Variants in FMN1 observed in about 807,000 individuals in gnomAD.
FMN1 encodes formin-1.
A neutral mutation model predicts 132.4 loss-of-function variants in FMN1; 110 were observed. The observed-to-expected ratio is 0.83, with a 90% CI of 0.71 to 0.97. FMN1 has a LOEUF of 0.97. Ranked by LOEUF, FMN1 falls within the 50% of genes least tolerant of loss-of-function variation. FMN1 has a pLI of 0.00. For missense variants in FMN1, 1,792 were observed against 1,705.3 expected (o/e 1.05, Z -0.90); for synonymous variants, 722 against 651.7 (o/e 1.11, Z -1.64).
chr15:33,126,029 C>T (rs1482438545), intron 4 of FMN1, among the ~76,000 whole-genome samples: 3 of 152,026 alleles, frequency 2.0e-5, no homozygotes, highest in Non-Finnish European at 4.4e-5. Flanking sequence ...TAATACCAAA[C>T]TCACAGTGCA....
At chr15:32,950,034 CACATATATATATATATACACATATAT>C (rs2061608566) in intron 9 of FMN1, among the ~76,000 whole-genome samples, 1 of 4,540 alleles carries the variant, frequency 2.2e-4, no homozygotes, top group African/African-American at 5.8e-4. Context: ...TATATATATA[CACATATATATATATATACACATATAT>C]ATATATATAT....
intron 18 of FMN1, among the ~76,000 whole-genome samples, chr15:32,799,653 G>C (rs1244418560): frequency 3.9e-5 from 6 of 152,170 alleles, no homozygotes; most frequent in African/African-American, 1.2e-4. Flanking sequence ...TCTCCAGTCT[G>C]GTCAGTAAAG....
intron 18 of FMN1, among the ~76,000 whole-genome samples, chr15:32,802,214 CCT>C (rs2057504214): frequency 6.6e-6 from 1 of 152,226 alleles, no homozygotes; most frequent in Non-Finnish European, 1.5e-5. Context: ...GCTATAATTC[CCT>C]GTCTGATTTG....
At chr15:33,051,118 G>C (rs1199767086) in intron 6 of FMN1, among the ~76,000 whole-genome samples, 2 of 152,178 alleles carry the variant, frequency 1.3e-5, no homozygotes, top group South Asian at 2.1e-4. Flanking sequence ...GGGGGATATA[G>C]AGTGAAGGAT....
chr15:33,032,266 G>A (rs770569509), intron 6 of FMN1, among the ~76,000 whole-genome samples: 23 of 152,158 alleles, frequency 1.5e-4, no homozygotes, highest in Non-Finnish European at 2.9e-4. Flanking sequence ...TGGTTTTAAT[G>A]ACTCATTCGT....
intron 7 of FMN1, among the ~76,000 whole-genome samples, chr15:32,997,975 C>G (rs983867307): frequency 1.3e-5 from 2 of 152,194 alleles, no homozygotes; most frequent in Non-Finnish European, 1.5e-5. Flanking sequence ...AAATGTTACT[C>G]AGCCTCTTTA....
At chr15:33,018,758 T>C (rs186323663) in intron 6 of FMN1, among the ~76,000 whole-genome samples, 108 of 152,256 alleles carry the variant, frequency 7.1e-4, no homozygotes, top group Admixed American at 2.1e-3. Context: ...CCTCTGATGT[T>C]CGGATGTGTT....
At position 33,154,115 on chromosome 15, in the gene FMN1, A is replaced by G. The variant is rs1259913286; in HGVS notation, c.800T>C (p.Leu267Pro). ...CTCTGTGGAGCTGCAGTCAGGGGGC[A>G]GCACTTCTCTTCCAAGCCCAGTGTC... The part of the protein sequence containing the change: ...FKDTGLGREV[L>P]PPDCSSTEAG... Residue 267 changes from leucine to proline, a missense_variant, in exon 4 of 21, where the codon CTG (leucine) becomes CCG (proline). Leu to Pro is a moderately conservative substitution (Grantham distance 98). Coordinates refer to ENST00000616417, the MANE Select transcript of FMN1 (RefSeq NM_001277313.2). 3 of 1,536,054 alleles carry G rather than the reference A, an allele frequency of 2.0e-6. No individual in the cohort carries two copies. Among genetic ancestry groups the G allele is most frequent in the Non-Finnish European group, 2.6e-6 (3 of 1,146,868 alleles).
At chr15:32,778,289 TA>T (rs1023398560) in intron 19 of FMN1, among the ~76,000 whole-genome samples, 7 of 145,032 alleles carry the variant, frequency 4.8e-5, no homozygotes, top group African/African-American at 1.0e-4. Context: ...TATATATATA[TA>T]TTTTTTTGAG....
At chr15:32,970,643 G>A (rs2031702718) in intron 7 of FMN1, 1 of 152,108 alleles carries the variant, frequency 6.6e-6, no homozygotes. Flanking sequence ...CTTTTGCATT[G>A]AAAAAGTAAA....
At chr15:32,940,590 T>C (rs1390744570) in intron 9 of FMN1, among the ~76,000 whole-genome samples, 2 of 152,118 alleles carry the variant, frequency 1.3e-5, no homozygotes, top group African/African-American at 4.8e-5. Flanking sequence ...AAAAGGGAGT[T>C]TGAAAAAGGT....
At chr15:33,055,605 T>C (rs371761887) in intron 6 of FMN1, among the ~76,000 whole-genome samples, 10 of 122,794 alleles carry the variant, frequency 8.1e-5, no homozygotes, top group African/African-American at 2.4e-4. Context: ...CTTCAACTCA[T>C]AGACAAAAAA....
At chr15:32,864,560 ACT>A (rs2059349052) in intron 16 of FMN1, among the ~76,000 whole-genome samples, 1 of 152,136 alleles carries the variant, frequency 6.6e-6, no homozygotes, top group African/African-American at 2.4e-5. Flanking sequence ...CCTCCTAATG[ACT>A]CTATTCATCC....
intron 4 of FMN1, among the ~76,000 whole-genome samples, chr15:33,141,831 A>G (rs1964022074): frequency 6.6e-6 from 1 of 151,812 alleles, no homozygotes; most frequent in East Asian, 2.0e-4. Context: ...GGTAGCTCCC[A>G]TTTGGAGAGG....
At chr15:32,822,514 CA>C (rs1457521426) in intron 17 of FMN1, among the ~76,000 whole-genome samples, 1 of 151,280 alleles carries the variant, frequency 6.6e-6, no homozygotes, top group Non-Finnish European at 1.5e-5. Context: ...CTTATTACTC[CA>C]TTTTTTTTTC....
rs375235978 is a variant in FMN1, at chr15:33,066,984, T to C, written c.2044-1910A>G. The C allele has an allele frequency of 2.1e-5, 34 of 1,613,850 alleles. No homozygotes were observed. The African/African-American group carries it at 4.3e-4, about 20-fold the overall frequency. On this transcript the variant is annotated intron_variant, in intron 5 of 20. Transcript: ENST00000616417. ...TTGAGCAAAGCTAAGTCCCCATCCTTTGGTTTAATTTCCGTGATGGTCTCT... is the reference window on the plus strand; with the variant it reads ...TTGAGCAAAGCTAAGTCCCCATCCTCTGGTTTAATTTCCGTGATGGTCTCT...
chr15:32,921,558 T>A (rs540555958), intron 10 of FMN1, among the ~76,000 whole-genome samples: 1 of 152,340 alleles, frequency 6.6e-6, no homozygotes, highest in Admixed American at 6.5e-5. Flanking sequence ...AATATAAACA[T>A]TTCTTGTGAT....
chr15:33,182,823 G>A (rs1467752704), intron 2 of FMN1, among the ~76,000 whole-genome samples: 1 of 152,128 alleles, frequency 6.6e-6, no homozygotes, highest in African/African-American at 2.4e-5. Flanking sequence ...AGCATCTAAA[G>A]CACTCTGTAA....
chr15:32,838,300 G>T (rs1289230708), intron 17 of FMN1, among the ~76,000 whole-genome samples: 1 of 152,164 alleles, frequency 6.6e-6, no homozygotes, highest in Non-Finnish European at 1.5e-5. Context: ...TCGGAGAGGT[G>T]AGGCCAATGT....
Sources: gnomAD v4.1 joint callset for allele counts (sites outside exome capture counted in the v4.1 genomes callset) on GRCh38, gnomAD v4.1.1 for gene constraint, MANE v1.5 for transcripts, NCBI Gene and HGNC (gene_info 2026-07-23, HGNC 2026-07-21) for gene names.